ATRX: variants seen among roughly 807,000 people sequenced by gnomAD.
ATRX encodes ATRX chromatin remodeler, also known as chromatin remodeler ATRX.
Under a neutral mutation model 172.6 loss-of-function variants are expected in ATRX, and 12 were observed. The ratio of observed to expected loss-of-function variants is 0.07; its 90% CI spans 0.04 to 0.11. ATRX has a LOEUF of 0.11. Among genes scored for constraint, ATRX ranks in the 10% least tolerant of loss-of-function variants. The pLI, the probability that ATRX is intolerant of heterozygous loss-of-function variation, is 1.00. For missense variants in ATRX, 1,368 were observed against 1,767.4 expected (o/e 0.77, Z 4.05); for synonymous variants, 674 against 594.7 (o/e 1.13, Z -1.94).
rs1364363212 is a variant in ATRX, at chrX:77,507,036, C to T, written c.*1315G>A. 6.1e-6 allele frequency: 1 copy of T among 163,862 alleles called. No homozygotes were observed. Among genetic ancestry groups the T allele is most frequent in the African/African-American group, 3.2e-5 (1 of 31,546 alleles). The allele number at this position is 163,862 out of a possible 1,213,427, so 13.5% of individuals were successfully genotyped here. On this transcript the variant is annotated 3_prime_UTR_variant, in exon 35 of 35. Coordinates refer to ENST00000373344, the MANE Select transcript of ATRX (RefSeq NM_000489.6). ...ATGTTTTCTTTAACAATTCAAGTAA[C>T]CAAAATTGTACATGAATAAATTTAT...
intron 30 of ATRX, among the ~76,000 whole-genome samples, chrX:77,526,098 T>C (rs1429736473): frequency 9.0e-6 from 1 of 111,574 alleles, no homozygotes; most frequent in Non-Finnish European, 1.9e-5. Flanking sequence ...AAAGTAACTT[T>C]TTCCGATTAT....
rs782375687 is a variant in ATRX, at chrX:77,688,779, A to G, written c.594+39T>C. On this transcript the variant is annotated intron_variant, in intron 7 of 34. Coordinates refer to ENST00000373344, the MANE Select transcript of ATRX (RefSeq NM_000489.6). ...AGGCCTGGTATATGGTAAGCATTCA[A>G]ATATTTACGGTATGAAATATCAACA... 43 of 1,086,155 alleles carry G rather than the reference A, an allele frequency of 4.0e-5. 1 individual carries two copies. Among genetic ancestry groups the G allele is most frequent in the Non-Finnish European group, 5.0e-5 (39 of 783,224 alleles). The allele number at this position is 1,086,155 out of a possible 1,213,427, so 89.5% of individuals were successfully genotyped here.
At chrX:77,571,019 C>T (rs1232246092) in intron 28 of ATRX, among the ~76,000 whole-genome samples, 1 of 105,938 alleles carries the variant, frequency 9.4e-6, no homozygotes, top group South Asian at 3.9e-4. Flanking sequence ...GATACCACTA[C>T]ATACCTATCA....
intron 1 of ATRX, among the ~76,000 whole-genome samples, chrX:77,753,759 T>C (rs1429820207): frequency 8.9e-6 from 1 of 111,824 alleles, no homozygotes; most frequent in Non-Finnish European, 1.9e-5. Context: ...AGTTTCCATG[T>C]AGTTGTGGGG....
Position 77,506,044 on chromosome X carries a change from A to G in ATRX, c.*2307T>C, listed in dbSNP as rs3135467. ...GGGACAAAACATATACAATATCACA[A>G]TACTAAGCAAAAACGCTTTACACCC... On this transcript the variant is annotated 3_prime_UTR_variant, in exon 35 of 35. Coordinates refer to ENST00000373344, the MANE Select transcript of ATRX (RefSeq NM_000489.6). The G allele has an allele frequency of 5.9e-6, 1 of 169,285 alleles. No individual in the cohort carries two copies. The highest frequency in any genetic ancestry group is 1.1e-5 in the Non-Finnish European group (1 of 88,253). The allele number at this position is 169,285 out of a possible 1,213,427, so 14.0% of individuals were successfully genotyped here. A position where few individuals can be genotyped will look rare whatever the true frequency, so the allele number is the denominator to read the frequency against.
chrX:77,612,040 A>C (rs1184044342), intron 22 of ATRX, among the ~76,000 whole-genome samples: 5 of 111,755 alleles, frequency 4.5e-5, no homozygotes, highest in African/African-American at 1.6e-4. Flanking sequence ...TATTTCCACC[A>C]CTTAGAGAAA....
intron 20 of ATRX, among the ~76,000 whole-genome samples, chrX:77,619,499 TA>T (rs1191973478): frequency 4.6e-4 from 49 of 105,457 alleles, no homozygotes; most frequent in South Asian, 3.6e-3. Context: ...ACACAAATAG[TA>T]AAAAAAAAAA....
chrX:77,724,866 T>A (rs781915342), intron 1 of ATRX, among the ~76,000 whole-genome samples: 1 of 111,780 alleles, frequency 8.9e-6, no homozygotes, highest in African/African-American at 3.2e-5. Flanking sequence ...ATAGAGATGA[T>A]CCCTGGAAAT....
At chrX:77,774,060 T>C (rs1048406360) in intron 1 of ATRX, among the ~76,000 whole-genome samples, 4 of 109,860 alleles carry the variant, frequency 3.6e-5, no homozygotes, top group African/African-American at 1.3e-4. Flanking sequence ...CCATCTCTAC[T>C]AAAAATACAA....
At chrX:77,689,317 G>A (rs150292532) in intron 6 of ATRX, among the ~76,000 whole-genome samples, 9 of 111,924 alleles carry the variant, frequency 8.0e-5, no homozygotes, top group African/African-American at 2.6e-4. Context: ...AGATTCTTTT[G>A]CAATCCTACA....
In ATRX at chrX:77,518,823, A is replaced by G. The variant is rs782428960; in HGVS notation, c.7200+1965T>C. On this transcript the variant is annotated intron_variant, in intron 34 of 34. Transcript: ENST00000373344. ...AAACAGACACACAGACCAAGAGAACAGAAGTGAGAACCCAGAAACAAATCC... is the reference window on the plus strand; with the variant it reads ...AAACAGACACACAGACCAAGAGAACGGAAGTGAGAACCCAGAAACAAATCC... Among the ~76,000 whole-genome samples the G allele has an allele frequency of 2.8e-4, 31 of 111,933 alleles. 1 individual carries two copies. In the Middle Eastern group the frequency reaches 0.014, roughly 50 times the overall value.
At chrX:77,749,108 G>C (rs1309395768) in intron 1 of ATRX, among the ~76,000 whole-genome samples, 1 of 110,349 alleles carries the variant, frequency 9.1e-6, no homozygotes, top group Non-Finnish European at 1.9e-5. Context: ...TCACCCCCCT[G>C]CCACCCTCTC....
At chrX:77,576,278 T>A (rs1462829255) in intron 27 of ATRX, among the ~76,000 whole-genome samples, 1 of 111,347 alleles carries the variant, frequency 9.0e-6, no homozygotes, top group East Asian at 2.8e-4. Flanking sequence ...TTGGTATGTT[T>A]TTGTAACATA....
chrX:77,671,147 CAAA>C (rs34939100), intron 10 of ATRX, among the ~76,000 whole-genome samples: 98 of 15,254 alleles, frequency 6.4e-3, no homozygotes, highest in South Asian at 0.013. Context: ...GACTCTGTCT[CAAA>C]AAAAAAAAAA....
intron 15 of ATRX, among the ~76,000 whole-genome samples, chrX:77,650,084 C>T (rs1315974654): frequency 8.9e-6 from 1 of 111,992 alleles, no homozygotes; most frequent in Non-Finnish European, 1.9e-5. Context: ...AAGAAAGATT[C>T]AACAAAATTC....
Position 77,545,981 on chromosome X carries a change from G to T in ATRX, c.6699+11470C>A, listed in dbSNP as rs782252996. Among the ~76,000 whole-genome samples, 9 of 111,179 alleles carry T rather than the reference G, an allele frequency of 8.1e-5. No homozygotes were observed. The South Asian group carries it at 3.4e-3, about 42-fold the overall frequency. ...CTGTAAGATTGTGTAGTAACTAGAT[G>T]AAATCCATACCCTCCCCAATATTAT... On this transcript the variant is annotated intron_variant, in intron 30 of 34. Transcript: ENST00000373344.
intron 1 of ATRX, among the ~76,000 whole-genome samples, chrX:77,773,092 T>TAAAAAAAAAAAAAAAAA (rs782649057): frequency 2.7e-5 from 1 of 37,358 alleles, no homozygotes; most frequent in African/African-American, 1.2e-4. Flanking sequence ...AAATTTCAGC[T>TAAAAAAAAAAAAAAAAA]AAAAAAAAAA....
rs782684184 is a variant in ATRX at position 77,651,369 on chromosome X, T to C, written c.4557+745A>G. On this transcript the variant is annotated intron_variant, in intron 15 of 34. Transcript: ENST00000373344. ...AAACTTTTGTAACATAAAGTCCATTTAAAAAACTGAAATCTTTTATGGATT... is the reference window on the plus strand; with the variant it reads ...AAACTTTTGTAACATAAAGTCCATTCAAAAAACTGAAATCTTTTATGGATT... 5.6e-4 allele frequency among the ~76,000 whole-genome samples: 62 copies of C among 111,310 alleles called. 1 individual carries two copies. The highest frequency in any genetic ancestry group is 2.0e-3 in the African/African-American group (60 of 30,708).
intron 1 of ATRX, among the ~76,000 whole-genome samples, chrX:77,748,205 T>C (rs2075159941): frequency 8.9e-6 from 1 of 112,107 alleles, no homozygotes; most frequent in South Asian, 3.6e-4. Flanking sequence ...TTCCATGTAC[T>C]GATATATGGA....
Sources: allele counts gnomAD v4.1 joint callset (sites outside exome capture counted in the v4.1 genomes callset), GRCh38; gene constraint gnomAD v4.1.1; transcripts MANE v1.5; gene names NCBI Gene and HGNC (gene_info 2026-07-23, HGNC 2026-07-21).